The following MAGI2 variants were observed in gnomAD, a reference collection of about 807,000 sequenced individuals.
MAGI2 encodes the protein membrane-associated guanylate kinase, WW and PDZ domain-containing protein 2.
Under a neutral mutation model 133.3 loss-of-function variants are expected in MAGI2, and 35 were observed. That is an observed-to-expected ratio of 0.26 (90% CI 0.20 to 0.35). The LOEUF (loss-of-function observed/expected upper bound fraction) is 0.35. Ranked by LOEUF, MAGI2 falls within the 10% of genes least tolerant of loss-of-function variation. The pLI, the probability that MAGI2 is intolerant of heterozygous loss-of-function variation, is 1.00. For synonymous variants in MAGI2, 729 were observed against 710.6 expected (o/e 1.03, Z -0.41); for missense variants, 1,636 against 1,863.4 (o/e 0.88, Z 2.25).
chr7:78,736,829 TA>T (rs1404790569), intron 2 of MAGI2, among the ~76,000 whole-genome samples: 2 of 151,834 alleles, frequency 1.3e-5, no homozygotes, highest in African/African-American at 4.8e-5. Context: ...GACCAAACAG[TA>T]AAAAAAATGT....
At chr7:79,286,610 T>C (rs1177154492) in intron 1 of MAGI2, among the ~76,000 whole-genome samples, 1 of 151,864 alleles carries the variant, frequency 6.6e-6, no homozygotes, top group Non-Finnish European at 1.5e-5. Context: ...GCCCAAAATA[T>C]GGTCTTTTGA....
chr7:78,540,724 A>G (rs1798343233), intron 3 of MAGI2, among the ~76,000 whole-genome samples: 1 of 152,106 alleles, frequency 6.6e-6, no homozygotes, highest in African/African-American at 2.4e-5. Context: ...CCTGAGAGAT[A>G]AAGTCAGAAG....
chr7:78,544,606 C>T (rs898560632), intron 3 of MAGI2, among the ~76,000 whole-genome samples: 1 of 152,176 alleles, frequency 6.6e-6, no homozygotes, highest in East Asian at 1.9e-4. Context: ...GTGTGATCTG[C>T]AGTCCAGTAG....
At chr7:79,151,131 G>A (rs1231462838) in intron 1 of MAGI2, among the ~76,000 whole-genome samples, 2 of 152,078 alleles carry the variant, frequency 1.3e-5, no homozygotes, top group African/African-American at 4.8e-5. Flanking sequence ...TGCAGACGAA[G>A]ATGGCTATGT....
chr7:79,445,024 C>A lies in MAGI2; in HGVS notation c.301+7996G>T, dbSNP rs1370193406. On this transcript the variant is annotated intron_variant, in intron 1 of 21. Transcript: ENST00000354212. ...GAAATAATGCCGCATATCTACAACT[C>A]TCTGATCTTTGACAAACCTGAGAAA... Among the ~76,000 whole-genome samples the A allele has an allele frequency of 9.2e-5, 14 of 152,196 alleles. No individual in the cohort carries two copies. In the South Asian group the frequency reaches 1.0e-3, roughly 11 times the overall value.
intron 1 of MAGI2, among the ~76,000 whole-genome samples, chr7:79,404,928 T>A (rs1230106943): frequency 6.6e-6 from 1 of 152,030 alleles, no homozygotes; most frequent in Non-Finnish European, 1.5e-5. Context: ...TTTTTAGAGA[T>A]CTTTAGTATG....
At chr7:78,703,460 T>C (rs1413858728) in intron 2 of MAGI2, among the ~76,000 whole-genome samples, 2 of 152,010 alleles carry the variant, frequency 1.3e-5, no homozygotes, top group South Asian at 2.1e-4. Context: ...GAATTTCTCA[T>C]CTGCTATCTA....
intron 2 of MAGI2, 46 bp from the exon 3 acceptor site, chr7:78,627,285 G>A: frequency 7.0e-7 from 1 of 1,437,084 alleles, no homozygotes; most frequent in Non-Finnish European, 9.2e-7. Context: ...TAAGTGATTT[G>A]TTGTTGAACT....
intron 2 of MAGI2, among the ~76,000 whole-genome samples, chr7:78,903,464 G>C (rs1337586469): frequency 6.6e-6 from 1 of 151,876 alleles, no homozygotes; most frequent in South Asian, 2.1e-4. Context: ...CAAAGTGCTG[G>C]GATTACAGGC....
intron 1 of MAGI2, among the ~76,000 whole-genome samples, chr7:79,315,667 G>T (rs528679065): frequency 6.6e-6 from 1 of 152,196 alleles, no homozygotes; most frequent in Admixed American, 6.5e-5. Context: ...TAAGCAGGAT[G>T]CCCACAGGAA....
chr7:79,424,289 T>G (rs1563210729), intron 1 of MAGI2, among the ~76,000 whole-genome samples: 2 of 151,696 alleles, frequency 1.3e-5, no homozygotes, highest in East Asian at 1.9e-4. Flanking sequence ...TGCCTAATAG[T>G]ATGGTAAGTG....
intron 2 of MAGI2, among the ~76,000 whole-genome samples, chr7:78,662,682 G>A (rs182434574): frequency 6.6e-6 from 1 of 152,154 alleles, no homozygotes; most frequent in African/African-American, 2.4e-5. Flanking sequence ...AAAAAGAAAT[G>A]GGGAAAAATT....
intron 1 of MAGI2, among the ~76,000 whole-genome samples, chr7:79,395,688 A>G (rs921500905): frequency 1.3e-5 from 2 of 152,206 alleles, no homozygotes; most frequent in African/African-American, 4.8e-5. Context: ...CATAATCATT[A>G]CATTATTTCC....
chr7:78,586,004 T>G (rs1803360181), intron 3 of MAGI2, among the ~76,000 whole-genome samples: 2 of 152,188 alleles, frequency 1.3e-5, no homozygotes. Context: ...CTTTCTATTT[T>G]AGGTAGACAA....
chr7:78,605,418 T>C (rs1805698736), intron 3 of MAGI2, among the ~76,000 whole-genome samples: 1 of 152,172 alleles, frequency 6.6e-6, no homozygotes, highest in Non-Finnish European at 1.5e-5. Context: ...AAATATTACA[T>C]GGCTGTAACA....
At chr7:78,258,291 G>A (rs1434987371) in intron 9 of MAGI2, among the ~76,000 whole-genome samples, 2 of 152,106 alleles carry the variant, frequency 1.3e-5, no homozygotes, top group Admixed American at 6.6e-5. Context: ...TTTGGGAATC[G>A]TTTTTAATTG....
intron 1 of MAGI2, among the ~76,000 whole-genome samples, chr7:79,264,337 CAATT>C (rs1490376024): frequency 2.6e-5 from 4 of 152,132 alleles, no homozygotes; most frequent in Non-Finnish European, 5.9e-5. Flanking sequence ...ATTCAGTCAA[CAATT>C]AACTCAAAAT....
chr7:78,888,230 G>C (rs1429794449), intron 2 of MAGI2, among the ~76,000 whole-genome samples: 2 of 152,212 alleles, frequency 1.3e-5, no homozygotes, highest in Non-Finnish European at 2.9e-5. Context: ...AAAGCGGCCA[G>C]GAAGCTCGAA....
chr7:79,077,216 C>A (rs541823347), intron 1 of MAGI2, among the ~76,000 whole-genome samples: 42 of 152,218 alleles, frequency 2.8e-4, no homozygotes, highest in Middle Eastern at 3.4e-3. Flanking sequence ...CCATCTGATT[C>A]TTGGTTCTGA....
Sources: allele counts gnomAD v4.1 joint callset (sites outside exome capture counted in the v4.1 genomes callset), GRCh38; gene constraint gnomAD v4.1.1; transcripts MANE v1.5; gene names NCBI Gene and HGNC (gene_info 2026-07-23, HGNC 2026-07-21).